The following TMEM163 variants were observed in gnomAD, a reference collection of about 807,000 sequenced individuals.
TMEM163 encodes transmembrane protein 163.
TMEM163 carries 17 observed loss-of-function variants against 29.3 expected under a neutral mutation model. The observed-to-expected ratio is 0.58, with a 90% CI of 0.40 to 0.87. The LOEUF (loss-of-function observed/expected upper bound fraction) is 0.87. Among genes scored for constraint, TMEM163 ranks in the 40% least tolerant of loss-of-function variants. The pLI is 0.00. For synonymous variants in TMEM163, 157 were observed against 160.6 expected (o/e 0.98, Z 0.17); for missense variants, 303 against 381.5 (o/e 0.79, Z 1.71).
intron 2 of TMEM163, among the ~76,000 whole-genome samples, chr2:134,656,129 G>T (rs1330831239): frequency 1.4e-5 from 2 of 144,076 alleles, no homozygotes; most frequent in Admixed American, 1.4e-4. Context: ...GGGCAATGAC[G>T]GGCGCCCCTC....
At chr2:134,638,002 A>C (rs72970164) in intron 2 of TMEM163, among the ~76,000 whole-genome samples, 6,647 of 152,306 alleles carry the variant, frequency 0.044, 492 homozygotes, top group African/African-American at 0.15. Context: ...TAAAAAAGTA[A>C]ACTGCACAAA....
At chr2:134,693,719 T>C (rs1684523463) in intron 2 of TMEM163, among the ~76,000 whole-genome samples, 1 of 152,014 alleles carries the variant, frequency 6.6e-6, no homozygotes, top group Non-Finnish European at 1.5e-5. Context: ...ATTCCATACC[T>C]GTCAGATAGC....
intron 1 of TMEM163, among the ~76,000 whole-genome samples, chr2:134,716,833 G>T (rs947756134): frequency 6.6e-6 from 1 of 152,182 alleles, no homozygotes; most frequent in African/African-American, 2.4e-5. Context: ...ACCACATACT[G>T]GTTGCCATCA....
chr2:134,507,054 C>T (rs1315243437), intron 4 of TMEM163, among the ~76,000 whole-genome samples: 4 of 152,052 alleles, frequency 2.6e-5, no homozygotes, highest in African/African-American at 9.7e-5. Context: ...TTTAAATTCC[C>T]GGCCGGGTGC....
chr2:134,546,066 G>A (rs1680775640), intron 4 of TMEM163, among the ~76,000 whole-genome samples: 1 of 152,002 alleles, frequency 6.6e-6, no homozygotes, highest in African/African-American at 2.4e-5. Flanking sequence ...TCCTACCACA[G>A]GAAAGTAACC....
At chr2:134,662,090 C>T (rs890227160) in intron 2 of TMEM163, among the ~76,000 whole-genome samples, 1 of 151,884 alleles carries the variant, frequency 6.6e-6, no homozygotes, top group African/African-American at 2.4e-5. Flanking sequence ...CGCGTGCCAC[C>T]ACACCTGGTT....
At chr2:134,577,137 C>T (rs185634720) in intron 2 of TMEM163, among the ~76,000 whole-genome samples, 125 of 152,290 alleles carry the variant, frequency 8.2e-4, no homozygotes, top group East Asian at 3.9e-3. Context: ...AATTAGGGTA[C>T]CTGCCATGTT....
intron 2 of TMEM163, among the ~76,000 whole-genome samples, chr2:134,670,394 T>C (rs982153520): frequency 1.3e-5 from 2 of 152,176 alleles, no homozygotes; most frequent in African/African-American, 4.8e-5. Flanking sequence ...CCTCCTGTGC[T>C]TCCAAAGGGC....
chr2:134,564,460 T>C (rs1681250695), intron 2 of TMEM163, among the ~76,000 whole-genome samples: 1 of 152,152 alleles, frequency 6.6e-6, no homozygotes, highest in South Asian at 2.1e-4. Context: ...AGTTTCATAA[T>C]CTTGGGGAAA....
At chr2:134,700,495 T>A (rs4954164) in intron 2 of TMEM163, among the ~76,000 whole-genome samples, 20,297 of 152,234 alleles carry the variant, frequency 0.13, 1,655 homozygotes, top group Middle Eastern at 0.36. Context: ...ATATTTTTCA[T>A]TACAAATTGT....
intron 2 of TMEM163, among the ~76,000 whole-genome samples, chr2:134,599,936 C>A (rs1452038805): frequency 6.6e-6 from 1 of 152,068 alleles, no homozygotes; most frequent in Admixed American, 6.5e-5. Flanking sequence ...TATATACACA[C>A]ACACACACCC....
chr2:134,574,210 T>C (rs963266300), intron 2 of TMEM163, among the ~76,000 whole-genome samples: 3 of 152,158 alleles, frequency 2.0e-5, no homozygotes, highest in Admixed American at 2.0e-4. Context: ...AAATTGTGCT[T>C]ATAGAAGAAA....
chr2:134,617,405 AT>A (rs1375728567), intron 2 of TMEM163, among the ~76,000 whole-genome samples: 1 of 151,950 alleles, frequency 6.6e-6, no homozygotes, highest in Admixed American at 6.6e-5. Flanking sequence ...GAGGTCAGGA[AT>A]TTTAGACCAG....
At chr2:134,546,657 A>G (rs1680793514) in intron 4 of TMEM163, among the ~76,000 whole-genome samples, 1 of 151,044 alleles carries the variant, frequency 6.6e-6, no homozygotes, top group African/African-American at 2.4e-5. Flanking sequence ...AAAAAAAAAA[A>G]AAAAAATTAG....
At chr2:134,495,736 C>G (rs1679536107) in intron 5 of TMEM163, among the ~76,000 whole-genome samples, 1 of 152,236 alleles carries the variant, frequency 6.6e-6, no homozygotes, top group Non-Finnish European at 1.5e-5. Flanking sequence ...CTGAAACTTT[C>G]ATGAAGCAGA....
At position 134,550,603 on chromosome 2, in the gene TMEM163, G is replaced by A. The variant is rs1011399603; in HGVS notation, c.425C>T (p.Ala142Val). ...CCTATGGGCAGAGTGCACAGCGGCC[G>A]CGTTGCTGTAACGCCACAGGACAAT... ...SAIVLWRYSNAAAVHSAHREY... is the reference protein window; with the variant it reads ...SAIVLWRYSNVAAVHSAHREY... The change falls in exon 4 of 8, where the codon GCG becomes GTG. Residue 142 changes from alanine (A) to valine (V), a missense_variant. Coordinates refer to ENST00000281924, the MANE Select transcript of TMEM163 (RefSeq NM_030923.5). 7.4e-6 allele frequency: 12 copies of A among 1,614,060 alleles called. No individual in the cohort carries two copies. The highest frequency in any genetic ancestry group is 1.0e-5 in the Non-Finnish European group (12 of 1,180,032).
intron 2 of TMEM163, among the ~76,000 whole-genome samples, chr2:134,611,072 A>G (rs1043107947): frequency 2.6e-5 from 4 of 152,184 alleles, no homozygotes; most frequent in African/African-American, 9.7e-5. Flanking sequence ...AGCATTTTGG[A>G]AAAAAACCAA....
At chr2:134,639,842 G>A (rs1439238355) in intron 2 of TMEM163, among the ~76,000 whole-genome samples, 1 of 152,160 alleles carries the variant, frequency 6.6e-6, no homozygotes, top group African/African-American at 2.4e-5. Context: ...AGATTCTAAT[G>A]TTTCTTCTTT....
Position 134,718,804 on chromosome 2 carries a change from G to C in TMEM163, c.132C>G (p.Pro44=). The change falls in exon 1 of 8, where the codon CCC becomes CCG. Residue 44 remains proline (P), a synonymous_variant. Coordinates refer to ENST00000281924, the MANE Select transcript of TMEM163 (RefSeq NM_030923.5). The part of the protein sequence containing the change: ...APLSSPVREP[P]QLEEERQVRI... The stretch of plus-strand genomic sequence containing the variant: ...GCACCTGCCGCTCCTCCTCCAGCTG[G>C]GGCGGCTCGCGCACCGGGGAGCTCA... 8.7e-7 allele frequency: 1 copy of C among 1,143,130 alleles called. No homozygotes were observed. The highest frequency in any genetic ancestry group is 1.1e-6 in the Non-Finnish European group (1 of 931,332). The allele number at this position is 1,143,130 out of a possible 1,614,324, so 70.8% of individuals were successfully genotyped here.
Sources: allele counts gnomAD v4.1 joint callset (sites outside exome capture counted in the v4.1 genomes callset), GRCh38; gene constraint gnomAD v4.1.1; transcripts MANE v1.5; gene names NCBI Gene and HGNC (gene_info 2026-07-23, HGNC 2026-07-21).